The following XPR1 variants were observed in gnomAD, a reference collection of about 807,000 sequenced individuals.
The protein encoded by XPR1 is solute carrier family 53 member 1.
Under a neutral mutation model 87.5 loss-of-function variants are expected in XPR1, and 28 were observed. That is an observed-to-expected ratio of 0.32 (90% CI 0.24 to 0.44). XPR1 has a LOEUF of 0.44. Ranked by LOEUF, XPR1 falls within the 20% of genes least tolerant of loss-of-function variation. The pLI, the probability that XPR1 is intolerant of heterozygous loss-of-function variation, is 1.00. For synonymous variants in XPR1, 300 were observed against 306.1 expected (o/e 0.98, Z 0.21); for missense variants, 559 against 862.3 (o/e 0.65, Z 4.41).
intron 2 of XPR1, among the ~76,000 whole-genome samples, chr1:180,764,088 A>G (rs1435222700): frequency 6.6e-6 from 1 of 152,190 alleles, no homozygotes; most frequent in Non-Finnish European, 1.5e-5. Flanking sequence ...ATTGCTTGTC[A>G]TTATAGTGTA....
chr1:180,672,623 A>C (rs1464399866), intron 1 of XPR1, among the ~76,000 whole-genome samples: 4 of 152,154 alleles, frequency 2.6e-5, no homozygotes, highest in Non-Finnish European at 5.9e-5. Context: ...TTAGATGATG[A>C]GACAAACCAT....
At chr1:180,706,294 T>G (rs550316638) in intron 2 of XPR1, among the ~76,000 whole-genome samples, 2 of 152,298 alleles carry the variant, frequency 1.3e-5, no homozygotes, top group African/African-American at 4.8e-5. Context: ...TTGAACTGAT[T>G]AAGTCTAAGG....
In XPR1 at chr1:180,748,400, C is replaced by CTTTTTTTTTTTTTTTTTTTTTTTT. The variant is rs71297873; in HGVS notation, c.122-39341_122-39318dup. Among the ~76,000 whole-genome samples the CTTTTTTTTTTTTTTTTTTTTTTTT allele has an allele frequency of 8.8e-4, 26 of 29,678 alleles. 7 individuals are homozygous for CTTTTTTTTTTTTTTTTTTTTTTTT. The highest frequency in any genetic ancestry group is 1.1e-3 in the Non-Finnish European group (16 of 14,018). The allele number at this position is 29,678 out of a possible 152,430, so 19.5% of individuals were successfully genotyped here. On this transcript the variant is annotated intron_variant, in intron 2 of 14. Transcript: ENST00000367590. ...TGCTACTCTGTGTTATTATTTATGT[C>CTTTTTTTTTTTTTTTTTTTTTTTT]TTTTTTTTTTTTTTTTTTTTTTTTT...
At position 180,642,408 on chromosome 1, in the gene XPR1, G is replaced by A. The variant is rs72720993; in HGVS notation, c.69+10138G>A. 4.1e-3 allele frequency among the ~76,000 whole-genome samples: 616 copies of A among 152,050 alleles called. 1 individual carries two copies. The highest frequency in any genetic ancestry group is 7.0e-3 in the Non-Finnish European group (475 of 67,956). On this transcript the variant is annotated intron_variant, in intron 1 of 14. Coordinates refer to ENST00000367590, the MANE Select transcript of XPR1 (RefSeq NM_004736.4). ...ACCAGTTTACTAAGTATACATGACT[G>A]TCCCCTTTCTTTTTTTTTAAAAAAA...
chr1:180,635,200 C>G (rs1654723128), intron 1 of XPR1, among the ~76,000 whole-genome samples: 1 of 152,072 alleles, frequency 6.6e-6, no homozygotes. Flanking sequence ...AAAATCTCTT[C>G]AATCCATTTG....
At chr1:180,770,256 G>T (rs1234171420) in intron 2 of XPR1, among the ~76,000 whole-genome samples, 1 of 152,092 alleles carries the variant, frequency 6.6e-6, no homozygotes, top group Non-Finnish European at 1.5e-5. Context: ...TAGATAGGTT[G>T]GCTTAAACAG....
At chr1:180,730,800 C>G (rs148310687) in intron 2 of XPR1, among the ~76,000 whole-genome samples, 3 of 151,880 alleles carry the variant, frequency 2.0e-5, no homozygotes, top group African/African-American at 7.2e-5. Flanking sequence ...ATAGCTAGGA[C>G]CATAAGTGTT....
At chr1:180,821,843 G>A (rs532518433) in intron 7 of XPR1, among the ~76,000 whole-genome samples, 26 of 152,172 alleles carry the variant, frequency 1.7e-4, no homozygotes, top group African/African-American at 3.9e-4. Context: ...GCTCATTGCC[G>A]ATGTATGCAA....
At chr1:180,780,715 C>T (rs1274500295) in intron 2 of XPR1, among the ~76,000 whole-genome samples, 7 of 147,070 alleles carry the variant, frequency 4.8e-5, no homozygotes, top group Non-Finnish European at 8.9e-5. Context: ...TTGCAGTGAG[C>T]AGAGATCGTG....
At chr1:180,829,721 A>C (rs1650988582) in intron 9 of XPR1, among the ~76,000 whole-genome samples, 1 of 152,164 alleles carries the variant, frequency 6.6e-6, no homozygotes, top group South Asian at 2.1e-4. Flanking sequence ...AATGACTGTA[A>C]TTATATTCTT....
intron 1 of XPR1, among the ~76,000 whole-genome samples, chr1:180,632,479 G>A (rs1024491299): frequency 5.3e-5 from 8 of 152,168 alleles, no homozygotes; most frequent in Non-Finnish European, 1.2e-4. Flanking sequence ...CGCTGCCGCC[G>A]GGGTAACGGA....
At chr1:180,843,802 A>G (rs956927516) in intron 11 of XPR1, among the ~76,000 whole-genome samples, 3 of 152,086 alleles carry the variant, frequency 2.0e-5, no homozygotes, top group African/African-American at 7.2e-5. Flanking sequence ...GATAGATGTA[A>G]TTGGCATTTC....
chr1:180,656,335 A>G (rs1655466307), intron 1 of XPR1, among the ~76,000 whole-genome samples: 1 of 110,536 alleles, frequency 9.0e-6, no homozygotes, highest in Non-Finnish European at 1.7e-5. Context: ...TTATATATAT[A>G]ATATTTATAT....
At chr1:180,883,377 A>G (rs368107760) in intron 14 of XPR1, among the ~76,000 whole-genome samples, 36 of 152,144 alleles carry the variant, frequency 2.4e-4, no homozygotes, top group East Asian at 2.1e-3. Context: ...CAGAGATGGA[A>G]ACGGGCACTC....
At chr1:180,798,665 G>A (rs1376330602) in intron 3 of XPR1, among the ~76,000 whole-genome samples, 1 of 152,108 alleles carries the variant, frequency 6.6e-6, no homozygotes, top group African/African-American at 2.4e-5. Context: ...AGGCTGGAGT[G>A]TGTGGTGGCA....
chr1:180,809,360 C>T (rs768061671), intron 6 of XPR1, among the ~76,000 whole-genome samples: 18 of 152,040 alleles, frequency 1.2e-4, no homozygotes, highest in Non-Finnish European at 2.4e-4. Flanking sequence ...GTTTTGTAGA[C>T]GTTTATGCAG....
Position 180,825,353 on chromosome 1 carries a change from A to G in XPR1, c.1134+9A>G. 2 of 1,607,566 alleles carry G rather than the reference A, an allele frequency of 1.2e-6. No individual in the cohort carries two copies. The highest frequency in any genetic ancestry group is 8.5e-7 in the Non-Finnish European group (1 of 1,177,558). Reference sequence around the variant, plus strand: ...GGCTGCTTAAACTGCTGGTAAGTCCAGAAACTTGTGTACCACTTTTAGAGT... The same window carrying G: ...GGCTGCTTAAACTGCTGGTAAGTCCGGAAACTTGTGTACCACTTTTAGAGT... On this transcript the variant is annotated intron_variant, in intron 9 of 14. Coordinates refer to ENST00000367590, the MANE Select transcript of XPR1 (RefSeq NM_004736.4).
chr1:180,683,315 A>G (rs1165700093), intron 2 of XPR1, among the ~76,000 whole-genome samples: 1 of 152,150 alleles, frequency 6.6e-6, no homozygotes, highest in African/African-American at 2.4e-5. Flanking sequence ...TTATGGCTGC[A>G]TAGTATTCCA....
intron 3 of XPR1, among the ~76,000 whole-genome samples, chr1:180,792,647 G>T (rs1243572764): frequency 6.6e-6 from 1 of 152,114 alleles, no homozygotes; most frequent in African/African-American, 2.4e-5. Context: ...GGAAGAGAAG[G>T]GAATTGTGAA....
Sources: allele counts gnomAD v4.1 joint callset (sites outside exome capture counted in the v4.1 genomes callset), GRCh38; gene constraint gnomAD v4.1.1; transcripts MANE v1.5; gene names NCBI Gene and HGNC (gene_info 2026-07-23, HGNC 2026-07-21).